Variants in PHKB observed in about 807,000 individuals in gnomAD.
The protein encoded by PHKB is phosphorylase kinase regulatory subunit beta, also known as phosphorylase b kinase regulatory subunit beta.
Under a neutral mutation model 152.1 loss-of-function variants are expected in PHKB, and 122 were observed. That is an observed-to-expected ratio of 0.80 (90% confidence interval 0.69 to 0.93). PHKB has a LOEUF of 0.93. Ranked by LOEUF, PHKB falls within the 40% of genes least tolerant of loss-of-function variation. The pLI is 0.00. For missense variants in PHKB, 1,304 were observed against 1,328.4 expected, an observed-to-expected ratio of 0.98 and a Z score of 0.29; for synonymous variants, 436 against 464.9, an observed-to-expected ratio of 0.94 and a Z score of 0.80.
intron 7 of PHKB, chr16:47,548,119 C>T (rs1971206180): frequency 6.4e-6 from 1 of 155,272 alleles, no homozygotes; most frequent in African/African-American, 2.4e-5. Context: ...TTCTTTTAAT[C>T]CTTAGGGTTA....
intron 15 of PHKB, among the ~76,000 whole-genome samples, chr16:47,641,304 A>C (rs1973016715): frequency 6.6e-6 from 1 of 152,192 alleles, no homozygotes; most frequent in Admixed American, 6.5e-5. Flanking sequence ...TGAATATTAA[A>C]GACTGACCAG....
At chr16:47,557,065 C>T (rs886951644) in intron 7 of PHKB, among the ~76,000 whole-genome samples, 2 of 152,132 alleles carry the variant, frequency 1.3e-5, no homozygotes, top group Admixed American at 1.3e-4. Flanking sequence ...ACAGAGCCCT[C>T]AGAAATAATG....
At chr16:47,580,695 A>T (rs554552945) in intron 8 of PHKB, among the ~76,000 whole-genome samples, 72 of 151,870 alleles carry the variant, frequency 4.7e-4, no homozygotes, top group African/African-American at 1.5e-3. Context: ...GTATATATAT[A>T]TTTTTATGTC....
chr16:47,533,940 C>T (rs1970907388), intron 6 of PHKB, among the ~76,000 whole-genome samples: 1 of 152,126 alleles, frequency 6.6e-6, no homozygotes. Flanking sequence ...AGGCCTGGGC[C>T]CACAGCCACA....
At chr16:47,655,809 G>A (rs1182447542) in intron 20 of PHKB, among the ~76,000 whole-genome samples, 1 of 152,172 alleles carries the variant, frequency 6.6e-6, no homozygotes, top group Admixed American at 6.5e-5. Context: ...CCTAAGACTA[G>A]TTACTGCAGA....
At position 47,541,000 on chromosome 16, in the gene PHKB, A is replaced by AT. The variant is rs541936494; in HGVS notation, c.595-6424dup. Among the ~76,000 whole-genome samples the AT allele has an allele frequency of 5.3e-3, 799 of 149,912 alleles. 9 individuals carry two copies. Among genetic ancestry groups the AT allele is most frequent in the African/African-American group, 0.018 (742 of 40,860 alleles). ...ACATCACCACGCCTGGCTAATTTTT[A>AT]TTTTTTTTTATTATACTTTAAGTTC... is the stretch of plus-strand genomic sequence containing the variant. On this transcript the variant is annotated intron_variant, in intron 6 of 30. Transcript: ENST00000323584.
At chr16:47,536,332 T>C (rs2151664999) in intron 6 of PHKB, among the ~76,000 whole-genome samples, 1 of 152,292 alleles carries the variant, frequency 6.6e-6, no homozygotes, top group East Asian at 1.9e-4. Context: ...ATTACAGGCG[T>C]GAGCCACCGC....
intron 13 of PHKB, among the ~76,000 whole-genome samples, chr16:47,609,926 C>T (rs545347245): frequency 6.6e-6 from 1 of 151,692 alleles, no homozygotes; most frequent in East Asian, 1.9e-4. Flanking sequence ...CCACTCTAAT[C>T]TTTATTATTT....
At chr16:47,498,526 A>G (rs975431913) in intron 2 of PHKB, among the ~76,000 whole-genome samples, 4 of 152,180 alleles carry the variant, frequency 2.6e-5, no homozygotes, top group Admixed American at 6.5e-5. Context: ...AAATACAAAA[A>G]TCAGCCATGA....
rs1054301237 is a variant in PHKB, at chr16:47,603,754, C to A, written c.1364-7072C>A. Among the ~76,000 whole-genome samples the A allele has an allele frequency of 1.2e-4, 18 of 152,316 alleles. 1 individual carries two copies. Among genetic ancestry groups the A allele is most frequent in the Admixed American group, 1.1e-3 (17 of 15,306 alleles). On this transcript the variant is annotated intron_variant, in intron 13 of 30. Transcript: ENST00000323584. ...TCCTGAGCTCGGGCAATCTGCCCGC[C>A]TTGGCCTCCCAAAGTGCTGGGATTA...
rs112153239 is a variant in PHKB, at chr16:47,652,379, C to CTT, written c.1971+1475_1971+1476dup. Among the ~76,000 whole-genome samples, 514 of 116,740 alleles carry CTT rather than the reference C, an allele frequency of 4.4e-3. 4 individuals are homozygous for CTT. Among genetic ancestry groups the CTT allele is most frequent in the African/African-American group, 0.015 (480 of 32,082 alleles). The allele number at this position is 116,740 out of a possible 152,430, so 76.6% of individuals were successfully genotyped here. On this transcript the variant is annotated intron_variant, in intron 20 of 30. Coordinates refer to ENST00000323584, the MANE Select transcript of PHKB (RefSeq NM_000293.3). ...TTGCCCTCCTTCCTGCTCTAGTGGTCTTTTTTTTTTTTTTTTTTAATACAT... is the reference window on the plus strand; with the variant it reads ...TTGCCCTCCTTCCTGCTCTAGTGGTCTTTTTTTTTTTTTTTTTTTTAATACAT...
chr16:47,479,480 A>G (rs1969928285), intron 1 of PHKB, among the ~76,000 whole-genome samples: 1 of 147,250 alleles, frequency 6.8e-6, no homozygotes, highest in African/African-American at 2.5e-5. Context: ...TTCGCAAGAT[A>G]GTAGTACTAT....
intron 14 of PHKB, among the ~76,000 whole-genome samples, chr16:47,627,917 T>G (rs57773302): frequency 6.6e-6 from 1 of 152,166 alleles, no homozygotes. Context: ...CCAGTTGGAA[T>G]TGAGATGTAT....
chr16:47,649,064 C>A, intron 17 of PHKB, 36 bp from the exon 18 acceptor site: 1 of 1,147,896 alleles, frequency 8.7e-7, no homozygotes, highest in Non-Finnish European at 1.3e-6. Context: ...TTGGTATGTT[C>A]TTTAGTTATT....
chr16:47,499,346 T>C (rs577414148), intron 2 of PHKB, among the ~76,000 whole-genome samples: 5 of 152,374 alleles, frequency 3.3e-5, no homozygotes, highest in African/African-American at 1.2e-4. Context: ...ATTTACTAAA[T>C]GTATGCTACT....
At chr16:47,520,870 A>G (rs1013968652) in intron 6 of PHKB, among the ~76,000 whole-genome samples, 6 of 152,128 alleles carry the variant, frequency 3.9e-5, no homozygotes, top group Non-Finnish European at 8.8e-5. Context: ...AATTTTGATT[A>G]AGTCTCATTT....
chr16:47,542,771 G>T (rs1371459506), intron 6 of PHKB, among the ~76,000 whole-genome samples: 5 of 152,168 alleles, frequency 3.3e-5, no homozygotes, highest in Non-Finnish European at 5.9e-5. Flanking sequence ...AATTGTGAAT[G>T]GGAGTTTGCT....
chr16:47,605,039 T>G (rs552883107), intron 13 of PHKB, among the ~76,000 whole-genome samples: 1 of 152,220 alleles, frequency 6.6e-6, no homozygotes, highest in East Asian at 1.9e-4. Context: ...TTTTGCCTCC[T>G]GAATGATAAA....
intron 1 of PHKB, among the ~76,000 whole-genome samples, chr16:47,470,747 G>T (rs1011543010): frequency 2.0e-5 from 3 of 152,166 alleles, no homozygotes; most frequent in Admixed American, 6.5e-5. Flanking sequence ...AACAACAGTG[G>T]TTACTACTGA....
Sources: gnomAD v4.1 joint callset for allele counts (sites outside exome capture counted in the v4.1 genomes callset) on GRCh38, gnomAD v4.1.1 for gene constraint, MANE v1.5 for transcripts, NCBI Gene and HGNC (gene_info 2026-07-23, HGNC 2026-07-21) for gene names.